Variants in REXO5 observed in about 807,000 individuals in gnomAD.
The protein encoded by REXO5 is exonuclease NEF-sp.
In REXO5, 48 loss-of-function variants were observed where a neutral mutation model predicts 88.5. The observed-to-expected ratio is 0.54, with a 90% CI of 0.43 to 0.69. REXO5 has a LOEUF of 0.69. REXO5 is among the 30% of genes least tolerant of loss of function. The probability of loss-of-function intolerance (pLI) is 0.00; values close to 1 mark genes in which losing one functional copy is unlikely to be tolerated. For synonymous variants in REXO5, 311 were observed against 336.5 expected, an observed-to-expected ratio of 0.92 and a Z score of 0.83; for missense variants, 749 against 912.2, an observed-to-expected ratio of 0.82 and a Z score of 2.30.
chr16:20,812,805 ACT>A (rs1283328498), intron 2 of REXO5, among the ~76,000 whole-genome samples: 1 of 151,802 alleles, frequency 6.6e-6, no homozygotes, highest in African/African-American at 2.4e-5. Flanking sequence ...CCTTCCCCAA[ACT>A]CTCTAACCCC....
intron 11 of REXO5, among the ~76,000 whole-genome samples, chr16:20,830,064 C>T (rs1011339806): frequency 4.6e-5 from 7 of 152,232 alleles, no homozygotes; most frequent in Non-Finnish European, 7.3e-5. Context: ...TGCTCTAAAT[C>T]ACTACAATAG....
chr16:20,834,968 G>A (rs1239319917), intron 13 of REXO5, among the ~76,000 whole-genome samples: 2 of 151,950 alleles, frequency 1.3e-5, no homozygotes, highest in African/African-American at 4.8e-5. Flanking sequence ...CCTTATTATG[G>A]ACTATATTCA....
intron 5 of REXO5, 134 bp from the exon 6 acceptor site, chr16:20,821,628 C>A: frequency 1.4e-6 from 1 of 709,884 alleles, no homozygotes; most frequent in Non-Finnish European, 2.1e-6. Context: ...AGATTGCAAG[C>A]CCCTAAATGG....
intron 2 of REXO5, 195 bp downstream of exon 2, chr16:20,807,286 G>C (rs2080900257): frequency 1.5e-6 from 1 of 667,650 alleles, no homozygotes; most frequent in Non-Finnish European, 2.5e-6. Flanking sequence ...CTGTCACTGG[G>C]ATAGTGAGTC....
In REXO5 at chr16:20,828,512, A is replaced by G; in HGVS notation, c.1133A>G (p.Tyr378Cys). The change falls in exon 11 of 20, where the codon TAT (tyrosine) becomes TGT (cysteine). Residue 378 changes from tyrosine (Y) to cysteine (C), a missense_variant. Tyr to Cys is a radical substitution (Grantham distance 194). Coordinates refer to ENST00000261377, the MANE Select transcript of REXO5 (RefSeq NM_030941.3). ...DARTILELARYFLKHGPKKIA... is the reference protein window; with the variant it reads ...DARTILELARCFLKHGPKKIA... ...AGAACAATCCTTGAATTGGCTCGGT[A>G]TTTCCTTAAGCATGGCCCAAAAAAG... The G allele has an allele frequency of 6.2e-7, 1 of 1,613,860 alleles. No individual in the cohort carries two copies.
At chr16:20,816,083 C>T (rs753504363) in intron 4 of REXO5, 33 bp from the exon 5 acceptor site, 1 of 1,579,782 alleles carries the variant, frequency 6.3e-7, no homozygotes, top group Non-Finnish European at 8.7e-7. Context: ...CTGTTTTCAA[C>T]CATTTTTGTA....
intron 6 of REXO5, among the ~76,000 whole-genome samples, chr16:20,822,139 G>A (rs905879127): frequency 6.6e-6 from 1 of 152,110 alleles, no homozygotes; most frequent in Non-Finnish European, 1.5e-5. Flanking sequence ...AAATAGCATT[G>A]AAATAATATT....
upstream of REXO5, chr16:20,806,475 T>A: frequency 6.5e-7 from 1 of 1,550,052 alleles, no homozygotes; most frequent in Non-Finnish European, 8.7e-7. Flanking sequence ...CGGAAGTCGC[T>A]CGACTTCTAC....
chr16:20,827,731 CT>C (rs1472471615), intron 10 of REXO5, among the ~76,000 whole-genome samples: 1 of 152,130 alleles, frequency 6.6e-6, no homozygotes, highest in East Asian at 1.9e-4. Flanking sequence ...GTATAACATA[CT>C]TATACTGTCC....
At chr16:20,806,735 G>C (rs968117073) in intron 1 of REXO5, 30 bp downstream of exon 1, 17 of 997,524 alleles carry the variant, frequency 1.7e-5, no homozygotes, top group Middle Eastern at 3.3e-4. Flanking sequence ...AAGCCGTTTG[G>C]GTTAGAGCGG....
At chr16:20,806,726 A>C (rs1345781529) in intron 1 of REXO5, 21 bp downstream of exon 1, 42 of 996,388 alleles carry the variant, frequency 4.2e-5, no homozygotes, top group Non-Finnish European at 5.9e-5. Context: ...CGGACGGTAA[A>C]GCCGTTTGGG....
chr16:20,841,376 A>G (rs2081525295), intron 15 of REXO5, among the ~76,000 whole-genome samples: 1 of 152,190 alleles, frequency 6.6e-6, no homozygotes. Flanking sequence ...ATGTTTGTAG[A>G]ATGATATACA....
chr16:20,846,257 C>T lies in REXO5; in HGVS notation c.2161C>T (p.Arg721Cys), dbSNP rs990839763. The T allele has an allele frequency of 1.2e-5, 20 of 1,613,830 alleles. No individual in the cohort carries two copies. Among genetic ancestry groups the T allele is most frequent in the African/African-American group, 2.7e-5 (2 of 74,906 alleles). The change falls in exon 19 of 20, where the codon CGC becomes TGC. Residue 721 changes from arginine (R) to cysteine (C), a missense_variant. Arg to Cys is a radical substitution (Grantham distance 180). Transcript: ENST00000261377. ...KLDHPKIAAWRWSRKIGKLYN... is the reference protein window; with the variant it reads ...KLDHPKIAAWCWSRKIGKLYN... ...GGACCACCCGAAGATAGCAGCCTGG[C>T]GCTGGAGCCGGAAGATTGGAAAGCT... is the stretch of plus-strand genomic sequence containing the variant.
chr16:20,822,545 T>A lies in REXO5; in HGVS notation c.616+643T>A, dbSNP rs149510937. Among the ~76,000 whole-genome samples the A allele has an allele frequency of 1.1e-3, 167 of 152,334 alleles. 1 individual carries two copies. Among genetic ancestry groups the A allele is most frequent in the Middle Eastern group, 6.8e-3 (2 of 294 alleles). On this transcript the variant is annotated intron_variant, in intron 6 of 19. Transcript: ENST00000261377. ...CCACAATTTTAGAACACTTCTATCA[T>A]CCCAAAAGAAACCCTGTATTATAAT...
chr16:20,821,968 A>G (rs185820892), intron 6 of REXO5, 66 bp downstream of exon 6: 4 of 1,403,324 alleles, frequency 2.9e-6, no homozygotes, highest in East Asian at 4.9e-5. Flanking sequence ...TTTAAATACT[A>G]CTGTTTGAGA....
chr16:20,824,579 T>C, intron 7 of REXO5, 52 bp downstream of exon 7: 1 of 1,099,136 alleles, frequency 9.1e-7, no homozygotes, highest in Non-Finnish European at 1.4e-6. Context: ...TGAGGTCTAG[T>C]AGAAAATGAT....
Position 20,844,614 on chromosome 16 carries a change from A to G in REXO5, c.1720-15A>G, listed in dbSNP as rs368622395. On this transcript the variant is annotated splice_polypyrimidine_tract_variant and intron_variant, in intron 16 of 19. Coordinates refer to ENST00000261377, the MANE Select transcript of REXO5 (RefSeq NM_030941.3). ...AATTGATTTTCTACCACTAACACCA[A>G]CTTTCCTTGGTTAGGTGCAGAGGCC... 2.7e-5 allele frequency: 43 copies of G among 1,612,902 alleles called. No homozygotes were observed. The highest frequency in any genetic ancestry group is 5.0e-5 in the Admixed American group (3 of 59,938).
Position 20,821,780 on chromosome 16 carries a change from C to A in REXO5, c.494C>A (p.Ala165Glu). 4 of 1,589,870 alleles carry A rather than the reference C, an allele frequency of 2.5e-6. No homozygotes were observed. The highest frequency in any genetic ancestry group is 3.4e-6 in the Non-Finnish European group (4 of 1,172,910). The change falls in exon 6 of 20, where the codon GCA (alanine) becomes GAA (glutamate). Residue 165 changes from alanine (A) to glutamate (E), a missense_variant. Physicochemically the swap from Ala to Glu is moderately radical, Grantham distance 107. Coordinates refer to ENST00000261377, the MANE Select transcript of REXO5 (RefSeq NM_030941.3). ...KTMEGPLPSN[A>E]KAAINLQDDP... is the part of the protein sequence containing the mutation. ...CTTTCAGGGCCTTTACCTTCTAATGCAAAAGCCGCCATCAACCTTCAGGAT... is the reference window on the plus strand; with the variant it reads ...CTTTCAGGGCCTTTACCTTCTAATGAAAAAGCCGCCATCAACCTTCAGGAT...
In REXO5 at chr16:20,840,345, G is replaced by A; in HGVS notation, c.1503G>A (p.Trp501Ter). 5.2e-6 allele frequency: 8 copies of A among 1,551,532 alleles called. No individual in the cohort carries two copies. The highest frequency in any genetic ancestry group is 6.2e-6 in the Non-Finnish European group (7 of 1,137,392). Residue 501 changes from tryptophan (W) to a stop codon, truncating the protein, a stop_gained, in exon 15 of 20, where the codon TGG (tryptophan) becomes TGA (stop). Transcript: ENST00000261377. LOFTEE classifies it high-confidence loss of function. The stretch of plus-strand genomic sequence containing the variant: ...TTTTCCTACAGATGAGGATCAAGTG[G>A]ACAGAGATATCAACTGTCTATGCTG... ...EEMNKRMRIK[W>*]TEISTVYAGP...
Sources: gnomAD v4.1 joint callset for allele counts (sites outside exome capture counted in the v4.1 genomes callset) on GRCh38, gnomAD v4.1.1 for gene constraint, MANE v1.5 for transcripts, NCBI Gene and HGNC (gene_info 2026-07-23, HGNC 2026-07-21) for gene names.